Variants in COPS4 observed in about 807,000 individuals in gnomAD.
COPS4 encodes COP9 signalosome complex subunit 4.
COPS4 carries 8 observed loss-of-function variants against 55.1 expected under a neutral mutation model. That is an observed-to-expected ratio of 0.15 (90% confidence interval 0.09 to 0.26). The LOEUF is 0.26. Ranked by LOEUF, COPS4 falls within the 10% of genes least tolerant of loss-of-function variation. The pLI is 1.00. For missense variants in COPS4, 248 were observed against 484.0 expected (o/e 0.51, Z 4.58); for synonymous variants, 185 against 165.7 (o/e 1.12, Z -0.90).
intron 8 of COPS4, among the ~76,000 whole-genome samples, chr4:83,066,958 AAAATT>A (rs2126134213): frequency 6.6e-6 from 1 of 152,360 alleles, no homozygotes; most frequent in African/African-American, 2.4e-5. Context: ...AACTTTAAAT[AAAATT>A]AAGCAACCTT....
intron 6 of COPS4, chr4:83,062,870 A>G (rs1413868330): frequency 1.6e-5 from 7 of 426,852 alleles, no homozygotes; most frequent in Admixed American, 4.7e-5. Context: ...GCTCACAGGA[A>G]CCTAGCTTTG....
intron 9 of COPS4, among the ~76,000 whole-genome samples, chr4:83,074,348 CTTG>C (rs747361344): frequency 1.3e-4 from 19 of 151,868 alleles, no homozygotes; most frequent in Non-Finnish European, 2.2e-4. Context: ...TGTTTTATAC[CTTG>C]TGCCAGTAAT....
At chr4:83,070,774 G>A (rs1368178977) in intron 9 of COPS4, among the ~76,000 whole-genome samples, 27 of 152,014 alleles carry the variant, frequency 1.8e-4, no homozygotes, top group Non-Finnish European at 8.8e-5. Context: ...TTTAAAAAAT[G>A]CAAGCATAAA....
At chr4:83,056,659 C>T (rs1403962623) in intron 4 of COPS4, among the ~76,000 whole-genome samples, 4 of 151,974 alleles carry the variant, frequency 2.6e-5, no homozygotes, top group African/African-American at 9.7e-5. Context: ...ATTAGCTGGG[C>T]GTGGTGGCTG....
In COPS4 at chr4:83,056,998, A is replaced by G. The variant is rs201782039; in HGVS notation, c.483A>G (p.Pro161=). 4.6e-5 allele frequency: 74 copies of G among 1,613,704 alleles called. No homozygotes were observed. The African/African-American group carries it at 8.9e-4, about 19-fold the overall frequency. ...IARLYLEDDD[P]VQAEAYINRA... is the part of the protein sequence containing the mutation. The stretch of plus-strand genomic sequence containing the variant: ...GGCTATATCTGGAGGATGATGATCC[A>G]GTCCAGGCAGAGGCTTACATAAATC... The change falls in exon 5 of 10, where the codon CCA becomes CCG. Residue 161 remains proline, a synonymous_variant. Transcript: ENST00000264389.
intron 1 of COPS4, among the ~76,000 whole-genome samples, chr4:83,037,259 G>A (rs940173487): frequency 6.6e-6 from 1 of 152,162 alleles, no homozygotes; most frequent in Non-Finnish European, 1.5e-5. Flanking sequence ...GAAGTCTCAC[G>A]TCAGTTCTCT....
chr4:83,072,194 C>T (rs1351213714), intron 9 of COPS4, among the ~76,000 whole-genome samples: 1 of 152,176 alleles, frequency 6.6e-6, no homozygotes, highest in South Asian at 2.1e-4. Context: ...AAGCGATTCT[C>T]CTGCCTCAGC....
At chr4:83,065,676 T>C (rs868671575) in intron 7 of COPS4, among the ~76,000 whole-genome samples, 18 of 152,206 alleles carry the variant, frequency 1.2e-4, no homozygotes, top group African/African-American at 4.1e-4. Context: ...TAAAAGAGGA[T>C]TCTATGCCTG....
At chr4:83,057,959 T>C (rs748871607) in intron 6 of COPS4, among the ~76,000 whole-genome samples, 6 of 142,946 alleles carry the variant, frequency 4.2e-5, no homozygotes, top group Non-Finnish European at 7.7e-5. Context: ...AAAGAGATAA[T>C]ATAAAGTTCT....
intron 9 of COPS4, among the ~76,000 whole-genome samples, chr4:83,074,773 T>C (rs913845052): frequency 1.3e-5 from 2 of 151,932 alleles, no homozygotes; most frequent in Non-Finnish European, 2.9e-5. Flanking sequence ...CCCAAAATGC[T>C]GGGGTTACAG....
intron 1 of COPS4, among the ~76,000 whole-genome samples, chr4:83,044,420 G>A (rs1320859935): frequency 4.9e-5 from 7 of 143,820 alleles, no homozygotes; most frequent in Non-Finnish European, 9.1e-5. Context: ...ACTCCAGCCT[G>A]GGTGACAGAG....
At position 83,049,874 on chromosome 4, in the gene COPS4, A is replaced by T; in HGVS notation, c.307-7A>T. 2.6e-6 allele frequency: 4 copies of T among 1,528,578 alleles called. No individual in the cohort carries two copies. Among genetic ancestry groups the T allele is most frequent in the Non-Finnish European group, 1.8e-6 (2 of 1,116,714 alleles). 94.7% of individuals were successfully genotyped at this position (1,528,578 alleles called of 1,614,324 possible). On this transcript the variant is annotated splice_polypyrimidine_tract_variant and splice_region_variant and intron_variant, in intron 3 of 9. Coordinates refer to ENST00000264389, the MANE Select transcript of COPS4 (RefSeq NM_016129.3). ...AAATAATTTGACATGTATACCTATT[A>T]TTCCAGGTTGCTTCCATAAGACAGC...
At chr4:83,044,074 C>A (rs1371523821) in intron 1 of COPS4, among the ~76,000 whole-genome samples, 1 of 152,150 alleles carries the variant, frequency 6.6e-6, no homozygotes, top group African/African-American at 2.4e-5. Flanking sequence ...ATATTTATTT[C>A]GTAACTCTAT....
rs80132488 is a variant in COPS4 at position 83,071,608 on chromosome 4, G to A, written c.1087+3086G>A. 4.6e-3 allele frequency among the ~76,000 whole-genome samples: 701 copies of A among 152,136 alleles called. 16 individuals carry two copies. The highest frequency in any genetic ancestry group is 4.8e-3 in the South Asian group (23 of 4,814). ...GGCTAGTTGTTTTTCTTCTTGAGAT[G>A]GGGTCTTGTGGTGTTGCCTAGGCTG... is the stretch of plus-strand genomic sequence containing the variant. On this transcript the variant is annotated intron_variant, in intron 9 of 9. Coordinates refer to ENST00000264389, the MANE Select transcript of COPS4 (RefSeq NM_016129.3).
At chr4:83,052,698 T>C (rs1175275221) in intron 4 of COPS4, among the ~76,000 whole-genome samples, 2 of 152,132 alleles carry the variant, frequency 1.3e-5, no homozygotes, top group African/African-American at 4.8e-5. Context: ...TCAGTGTCCG[T>C]CTCCTAGCAT....
At chr4:83,071,017 A>G (rs1731415463) in intron 9 of COPS4, among the ~76,000 whole-genome samples, 2 of 152,058 alleles carry the variant, frequency 1.3e-5, no homozygotes, top group Admixed American at 6.5e-5. Flanking sequence ...TCTTTGTCCC[A>G]TGTCTCAATT....
At chr4:83,044,624 A>G (rs1317818228) in intron 1 of COPS4, among the ~76,000 whole-genome samples, 1 of 149,608 alleles carries the variant, frequency 6.7e-6, no homozygotes, top group Non-Finnish European at 1.5e-5. Flanking sequence ...AAAATACAAA[A>G]ATTAGCCAGG....
chr4:83,058,050 T>C (rs942432779), intron 6 of COPS4, among the ~76,000 whole-genome samples: 4 of 150,278 alleles, frequency 2.7e-5, no homozygotes, highest in African/African-American at 9.8e-5. Context: ...ATTGATGAAA[T>C]GATAATTAAT....
In COPS4 at chr4:83,063,145, G is replaced by A; in HGVS notation, c.785G>A (p.Gly262Glu). 1 of 1,609,276 alleles carries A rather than the reference G, an allele frequency of 6.2e-7. No individual in the cohort carries two copies. The highest frequency in any genetic ancestry group is 1.3e-5 in the African/African-American group (1 of 74,600). ...AGGTGCCAGCAACTTGCTGCCTATG[G>A]GATCCTAGAGAAAATGTATCTAGAT... ...DERCQQLAAYGILEKMYLDRI... is the reference protein window; with the variant it reads ...DERCQQLAAYEILEKMYLDRI... The change falls in exon 7 of 10, where the codon GGG becomes GAG. Residue 262 changes from glycine (G) to glutamate (E), a missense_variant. Physicochemically the swap from Gly to Glu is moderately conservative, Grantham distance 98. This residue lies in a region of COPS4 where 155 missense variants were observed against 326.6 expected (regional missense o/e 0.47). Coordinates refer to ENST00000264389, the MANE Select transcript of COPS4 (RefSeq NM_016129.3).
Sources: gnomAD v4.1 joint callset for allele counts (sites outside exome capture counted in the v4.1 genomes callset) on GRCh38, gnomAD v4.1.1 for gene constraint, gnomAD v4.1.1 regional missense constraint, MANE v1.5 for transcripts, NCBI Gene and HGNC (gene_info 2026-07-23, HGNC 2026-07-21) for gene names.